Variants in AGPAT4 observed in about 807,000 individuals in gnomAD.
The protein encoded by AGPAT4 is 1-acylglycerol-3-phosphate O-acyltransferase 4.
In AGPAT4, 15 loss-of-function variants were observed where a neutral mutation model predicts 48.0. The observed-to-expected ratio is 0.31, with a 90% CI of 0.21 to 0.48. AGPAT4 has a LOEUF of 0.48. Ranked by LOEUF, AGPAT4 falls within the 20% of genes least tolerant of loss-of-function variation. The pLI, the probability that AGPAT4 is intolerant of heterozygous loss-of-function variation, is 0.99. For missense variants in AGPAT4, 314 were observed against 482.5 expected (o/e 0.65, Z 3.27); for synonymous variants, 178 against 198.7 (o/e 0.90, Z 0.88).
chr6:161,221,282 TAC>T lies in AGPAT4; in HGVS notation c.178+10752_178+10753del, dbSNP rs969836716. On this transcript the variant is annotated intron_variant, in intron 2 of 8. Transcript: ENST00000320285. This position sits in a 1 kb window ranked among gnomAD's most constrained non-coding sequence, Gnocchi z 4.5. ...AGATGAGGTTCCTACACAGTTTATA[TAC>T]AGTTTGTCACCTTCCTCCACGTCCA... 2.0e-5 allele frequency among the ~76,000 whole-genome samples: 3 copies of T among 152,260 alleles called. No individual in the cohort carries two copies. The highest frequency in any genetic ancestry group is 4.8e-5 in the African/African-American group (2 of 41,548).
rs1269124516 is a variant in AGPAT4 at position 161,264,587 on chromosome 6, C to T, written c.-90+9351G>A. Among the ~76,000 whole-genome samples the T allele has an allele frequency of 6.6e-6, 1 of 152,246 alleles. No homozygotes were observed. On this transcript the variant is annotated intron_variant, in intron 1 of 8. Transcript: ENST00000320285. The surrounding 1 kb of genome is among the most constrained non-coding windows in gnomAD (Gnocchi z 6.8). Reference sequence around the variant, plus strand: ...ATCCCTGCCCTGCAAGTCTTATCCACTGCGTGGGAACCCCTCGCTGAGGCT... The same window carrying T: ...ATCCCTGCCCTGCAAGTCTTATCCATTGCGTGGGAACCCCTCGCTGAGGCT...
intron 1 of AGPAT4, among the ~76,000 whole-genome samples, chr6:161,263,449 C>G (rs1024072119): frequency 3.3e-5 from 5 of 152,126 alleles, no homozygotes; most frequent in Admixed American, 6.5e-5. Context: ...CAAGATCATG[C>G]CACTGCACTC....
chr6:161,242,211 T>TAACTGGCTAATGGTGA lies in AGPAT4; in HGVS notation c.-89-9910_-89-9909insTCACCATTAGCCAGTT, dbSNP rs1782512784. ...CGAGGTTTAGTTAGAGGAGGTGAAGTGTAAAGGGCTAATGGTGAGTAACTG... is the reference window on the plus strand; with the variant it reads ...CGAGGTTTAGTTAGAGGAGGTGAAGTAACTGGCTAATGGTGAGTAAAGGGCTAATGGTGAGTAACTG... On this transcript the variant is annotated intron_variant, in intron 1 of 8. Transcript: ENST00000320285. The surrounding 1 kb of genome is among the most constrained non-coding windows in gnomAD (Gnocchi z 5.0). 6.6e-6 allele frequency among the ~76,000 whole-genome samples: 1 copy of TAACTGGCTAATGGTGA among 152,168 alleles called. No homozygotes were observed. Among genetic ancestry groups the TAACTGGCTAATGGTGA allele is most frequent in the Admixed American group, 6.5e-5 (1 of 15,276 alleles).
chr6:161,185,015 A>C (rs778558106), intron 2 of AGPAT4, among the ~76,000 whole-genome samples: 5 of 151,990 alleles, frequency 3.3e-5, no homozygotes, highest in Non-Finnish European at 5.9e-5. Flanking sequence ...GCTTTTCACA[A>C]ATTAAGGAAA....
Position 161,130,904 on chromosome 6 carries a change from T to C in AGPAT4, c.*5636A>G. On this transcript the variant is annotated 3_prime_UTR_variant, in exon 9 of 9. Coordinates refer to ENST00000320285, the MANE Select transcript of AGPAT4 (RefSeq NM_020133.3). Reference sequence around the variant, plus strand: ...TACAGAGAGAATGGCATTCCAAAATTCCATGGATGACTTTTCTGAATGTCC... The same window carrying C: ...TACAGAGAGAATGGCATTCCAAAATCCCATGGATGACTTTTCTGAATGTCC... 1 of 519,020 alleles carries C rather than the reference T, an allele frequency of 1.9e-6. No homozygotes were observed. 32.2% of individuals were successfully genotyped at this position (519,020 alleles called of 1,614,324 possible).
Position 161,240,809 on chromosome 6 carries a change from C to T in AGPAT4, c.-89-8507G>A, listed in dbSNP as rs1008064801. Among the ~76,000 whole-genome samples the T allele has an allele frequency of 4.6e-5, 7 of 152,134 alleles. No homozygotes were observed. The highest frequency in any genetic ancestry group is 1.4e-4 in the African/African-American group (6 of 41,426). ...AACTAACTTGTACAGGTCTGAGGAA[C>T]GTGCTCTGTTCTCACTCCTGGCAGA... On this transcript the variant is annotated intron_variant, in intron 1 of 8. Transcript: ENST00000320285. This position sits in a 1 kb window ranked among gnomAD's most constrained non-coding sequence, Gnocchi z 5.5.
In AGPAT4 at chr6:161,165,724, A is replaced by G. The variant is rs1431069609; in HGVS notation, c.348+524T>C. On this transcript the variant is annotated intron_variant, in intron 3 of 8. Transcript: ENST00000320285. The surrounding 1 kb of genome is among the most constrained non-coding windows in gnomAD (Gnocchi z 5.5). ...GTGCAAGAGGTCAAACTAGTTGGGA[A>G]AAAAAAAAAACAGAATTTCAGAATA... 4 of 832,624 alleles carry G rather than the reference A, an allele frequency of 4.8e-6. No homozygotes were observed. The highest frequency in any genetic ancestry group is 7.1e-6 in the Non-Finnish European group (4 of 561,582). 51.6% of individuals were successfully genotyped at this position (832,624 alleles called of 1,614,324 possible).
rs1028078644 is a variant in AGPAT4 at position 161,159,932 on chromosome 6, C to A, written c.349-5622G>T. Reference sequence around the variant, plus strand: ...TACAGGTGTGAGCCACCAAACCTGGCTTTTCTTTTTTTTTTCTTTTTTTGA... The same window carrying A: ...TACAGGTGTGAGCCACCAAACCTGGATTTTCTTTTTTTTTTCTTTTTTTGA... On this transcript the variant is annotated intron_variant, in intron 3 of 8. Transcript: ENST00000320285. This position sits in a 1 kb window ranked among gnomAD's most constrained non-coding sequence, Gnocchi z 4.1. 5.4e-5 allele frequency among the ~76,000 whole-genome samples: 7 copies of A among 129,330 alleles called. No homozygotes were observed. Among genetic ancestry groups the A allele is most frequent in the African/African-American group, 2.6e-4 (7 of 26,946 alleles). The allele number at this position is 129,330 out of a possible 152,430, so 84.8% of individuals were successfully genotyped here.
At position 161,135,649 on chromosome 6, in the gene AGPAT4, T is replaced by A. The variant is rs1307146288; in HGVS notation, c.*891A>T. 2 of 152,000 alleles carry A rather than the reference T, an allele frequency of 1.3e-5. No individual in the cohort carries two copies. Among genetic ancestry groups the A allele is most frequent in the African/African-American group, 4.8e-5 (2 of 41,238 alleles). The allele number at this position is 152,000 out of a possible 1,614,324, so 9.4% of individuals were successfully genotyped here. On this transcript the variant is annotated 3_prime_UTR_variant, in exon 9 of 9. Transcript: ENST00000320285. ...AAACTGCATTTTATCAGGGGTGACT[T>A]TGGCTGTCACTGCTGAGAGGAACAG...
At chr6:161,136,796 C>G (rs1361977748) in intron 8 of AGPAT4, among the ~76,000 whole-genome samples, 162 bp from the exon 9 acceptor site, 3 of 152,204 alleles carry the variant, frequency 2.0e-5, no homozygotes, top group African/African-American at 7.2e-5. Flanking sequence ...TTACAATCAT[C>G]CTTGAGTGTG....
In AGPAT4 at chr6:161,149,078, G is replaced by A. The variant is rs940120941; in HGVS notation, c.767+109C>T. 1.1e-5 allele frequency: 16 copies of A among 1,396,414 alleles called. No homozygotes were observed. The African/African-American group carries it at 1.3e-4, about 11-fold the overall frequency. The allele number at this position is 1,396,414 out of a possible 1,614,324, so 86.5% of individuals were successfully genotyped here. On this transcript the variant is annotated intron_variant, in intron 6 of 8. Coordinates refer to ENST00000320285, the MANE Select transcript of AGPAT4 (RefSeq NM_020133.3). This position sits in a 1 kb window ranked among gnomAD's most constrained non-coding sequence, Gnocchi z 6.5. ...AATTCAATGCAAAACAGACTGCAAA[G>A]AAGTCAGTGTGACCCAGGGATCCCT...
At chr6:161,174,905 C>T (rs1401936424) in intron 2 of AGPAT4, among the ~76,000 whole-genome samples, 3 of 152,094 alleles carry the variant, frequency 2.0e-5, no homozygotes, top group African/African-American at 7.2e-5. Flanking sequence ...TTGAGATGAT[C>T]GTGTGGTTTT....
chr6:161,208,844 G>A lies in AGPAT4; in HGVS notation c.178+23192C>T, dbSNP rs1421712481. Among the ~76,000 whole-genome samples, 1 of 152,168 alleles carries A rather than the reference G, an allele frequency of 6.6e-6. No homozygotes were observed. Among genetic ancestry groups the A allele is most frequent in the Admixed American group, 6.5e-5 (1 of 15,278 alleles). On this transcript the variant is annotated intron_variant, in intron 2 of 8. Coordinates refer to ENST00000320285, the MANE Select transcript of AGPAT4 (RefSeq NM_020133.3). This position sits in a 1 kb window ranked among gnomAD's most constrained non-coding sequence, Gnocchi z 4.6. ...TGTAACAATTCAAGCCGAAGGCCAG[G>A]ATGAAATGCACAGCTGCCTAACAGG...
intron 2 of AGPAT4, among the ~76,000 whole-genome samples, chr6:161,210,034 A>T (rs564901204): frequency 7.9e-5 from 12 of 152,240 alleles, no homozygotes; most frequent in East Asian, 3.9e-4. Flanking sequence ...TTTAAAAAAA[A>T]TTTTTTTAAG....
rs1783264853 is a variant in AGPAT4 at position 161,266,367 on chromosome 6, G to C, written c.-90+7571C>G. ...CTCTAGGCCACAACACATATTCAGTGCTGGGTACTCTGCTCTATGCTACAA... is the reference window on the plus strand; with the variant it reads ...CTCTAGGCCACAACACATATTCAGTCCTGGGTACTCTGCTCTATGCTACAA... On this transcript the variant is annotated intron_variant, in intron 1 of 8. Transcript: ENST00000320285. The surrounding 1 kb of genome is among the most constrained non-coding windows in gnomAD (Gnocchi z 6.2). Among the ~76,000 whole-genome samples, 1 of 152,220 alleles carries C rather than the reference G, an allele frequency of 6.6e-6. No individual in the cohort carries two copies. The highest frequency in any genetic ancestry group is 2.1e-4 in the South Asian group (1 of 4,836).
rs16892335 is a variant in AGPAT4, at chr6:161,232,026, A to G, written c.178+10T>C. ...ATGGAGACGAAAATATAGAATCTTA[A>G]GTATCTTACGGCTTGAGATGCAATA... On this transcript the variant is annotated intron_variant, in intron 2 of 8. Transcript: ENST00000320285. This position sits in a 1 kb window ranked among gnomAD's most constrained non-coding sequence, Gnocchi z 6.8. 10,064 of 1,613,214 alleles carry G rather than the reference A, an allele frequency of 6.2e-3. 528 individuals are homozygous for G. The African/African-American group carries it at 0.12, about 19-fold the overall frequency.
chr6:161,230,735 G>C (rs1041936531), intron 2 of AGPAT4, among the ~76,000 whole-genome samples: 1 of 152,152 alleles, frequency 6.6e-6, no homozygotes, highest in African/African-American at 2.4e-5. Flanking sequence ...TACCCAACAG[G>C]CCAGAGACAA....
Position 161,164,824 on chromosome 6 carries a change from C to G in AGPAT4, c.348+1424G>C, listed in dbSNP as rs145810193. Among the ~76,000 whole-genome samples the G allele has an allele frequency of 6.6e-6, 1 of 152,080 alleles. No individual in the cohort carries two copies. Among genetic ancestry groups the G allele is most frequent in the East Asian group, 1.9e-4 (1 of 5,194 alleles). On this transcript the variant is annotated intron_variant, in intron 3 of 8. Transcript: ENST00000320285. The surrounding 1 kb of genome is among the most constrained non-coding windows in gnomAD (Gnocchi z 7.4). Reference sequence around the variant, plus strand: ...CTCTACCTCAGAGACTCCTGGTCCACGAATTATGAATGTTTGCACATTCTA... The same window carrying G: ...CTCTACCTCAGAGACTCCTGGTCCAGGAATTATGAATGTTTGCACATTCTA...
At position 161,222,711 on chromosome 6, in the gene AGPAT4, G is replaced by C. The variant is rs1245394433; in HGVS notation, c.178+9325C>G. On this transcript the variant is annotated intron_variant, in intron 2 of 8. Transcript: ENST00000320285. This position sits in a 1 kb window ranked among gnomAD's most constrained non-coding sequence, Gnocchi z 5.9. ...GAAATTTCTGAGGGATGGATACTTG[G>C]AGCCCATCTAGTGAGAGGGTCAATG... 6.6e-6 allele frequency among the ~76,000 whole-genome samples: 1 copy of C among 152,098 alleles called. No individual in the cohort carries two copies. Among genetic ancestry groups the C allele is most frequent in the Admixed American group, 6.5e-5 (1 of 15,270 alleles).
Sources: gnomAD v4.1 joint callset for allele counts (sites outside exome capture counted in the v4.1 genomes callset) on GRCh38, gnomAD v4.1.1 for gene constraint, Gnocchi (gnomAD v3.1) non-coding constraint, MANE v1.5 for transcripts, NCBI Gene and HGNC (gene_info 2026-07-23, HGNC 2026-07-21) for gene names.